SLC4A10: variants seen among roughly 807,000 people sequenced by gnomAD.
The protein encoded by SLC4A10 is solute carrier family 4 member 10.
Under a neutral mutation model 137.7 loss-of-function variants are expected in SLC4A10, and 42 were observed. That is an observed-to-expected ratio of 0.30 (90% CI 0.24 to 0.39). The LOEUF (loss-of-function observed/expected upper bound fraction) is 0.39. Ranked by LOEUF, SLC4A10 falls within the 10% of genes least tolerant of loss-of-function variation. SLC4A10 has a pLI of 1.00. For synonymous variants in SLC4A10, 474 were observed against 464.1 expected (o/e 1.02, Z -0.27); for missense variants, 925 against 1,355.0 (o/e 0.68, Z 4.98).
At chr2:161,741,521 G>A (rs1484414890) in intron 1 of SLC4A10, among the ~76,000 whole-genome samples, 2 of 152,010 alleles carry the variant, frequency 1.3e-5, no homozygotes, top group Non-Finnish European at 2.9e-5. Flanking sequence ...CCACCATTCT[G>A]TAATGCTGTT....
chr2:161,687,091 C>T (rs1163402523), intron 1 of SLC4A10, among the ~76,000 whole-genome samples: 1 of 152,098 alleles, frequency 6.6e-6, no homozygotes, highest in Non-Finnish European at 1.5e-5. Context: ...CCATGTTGGC[C>T]AGACTGGTCT....
intron 12 of SLC4A10, chr2:161,901,971 A>G: frequency 2.2e-6 from 1 of 454,454 alleles, no homozygotes; most frequent in Non-Finnish European, 4.4e-6. Flanking sequence ...AACATGCCAC[A>G]TAGCTTAGAT....
intron 9 of SLC4A10, among the ~76,000 whole-genome samples, chr2:161,880,653 A>C (rs182381545): frequency 6.6e-6 from 1 of 152,142 alleles, no homozygotes; most frequent in Non-Finnish European, 1.5e-5. Context: ...GATTCAGGCT[A>C]TATGTTTTCT....
At chr2:161,968,082 A>G (rs1437249864) in intron 23 of SLC4A10, among the ~76,000 whole-genome samples, 1 of 152,148 alleles carries the variant, frequency 6.6e-6, no homozygotes, top group Non-Finnish European at 1.5e-5. Context: ...AAGTTCACAA[A>G]ATGAAAAATG....
intron 5 of SLC4A10, among the ~76,000 whole-genome samples, chr2:161,858,270 A>G (rs1575316854): frequency 6.6e-6 from 1 of 152,228 alleles, no homozygotes; most frequent in East Asian, 1.9e-4. Context: ...GATGAATATG[A>G]CCCAGATATT....
At chr2:161,630,236 T>C (rs936422817) in intron 1 of SLC4A10, among the ~76,000 whole-genome samples, 9 of 151,836 alleles carry the variant, frequency 5.9e-5, no homozygotes, top group African/African-American at 2.2e-4. Flanking sequence ...GATTCAGTAA[T>C]ATTTTGTAGA....
At chr2:161,912,183 A>C (rs766112247) in intron 15 of SLC4A10, among the ~76,000 whole-genome samples, 1 of 152,098 alleles carries the variant, frequency 6.6e-6, no homozygotes, top group Admixed American at 6.6e-5. Context: ...TCTTTCAACT[A>C]TGTTACTCTT....
chr2:161,699,476 T>C (rs1363883139), intron 1 of SLC4A10, among the ~76,000 whole-genome samples: 2 of 152,088 alleles, frequency 1.3e-5, no homozygotes, highest in African/African-American at 4.8e-5. Flanking sequence ...GCCTGAAAAA[T>C]GTCTTCATTT....
intron 3 of SLC4A10, among the ~76,000 whole-genome samples, chr2:161,817,255 C>T (rs907601696): frequency 5.3e-5 from 8 of 152,068 alleles, no homozygotes; most frequent in Non-Finnish European, 7.4e-5. Flanking sequence ...TTTTCATGTG[C>T]CTGTTGGCTG....
At position 161,713,143 on chromosome 2, in the gene SLC4A10, G is replaced by A. The variant is rs146694662; in HGVS notation, c.49-57830G>A. On this transcript the variant is annotated intron_variant, in intron 1 of 26. Coordinates refer to ENST00000446997, the MANE Select transcript of SLC4A10 (RefSeq NM_001178015.2). ...AGCAAATAATAGAATAGTTCATTTT[G>A]GCTATAGCCTAGTGGGATAACTTAG... 7.2e-3 allele frequency among the ~76,000 whole-genome samples: 1,091 copies of A among 151,856 alleles called. 13 individuals carry two copies. The highest frequency in any genetic ancestry group is 7.5e-3 in the Non-Finnish European group (511 of 67,818).
chr2:161,639,935 CA>C (rs2035039369), intron 1 of SLC4A10, among the ~76,000 whole-genome samples: 1 of 152,118 alleles, frequency 6.6e-6, no homozygotes, highest in African/African-American at 2.4e-5. Context: ...TTGCAGAATA[CA>C]AAGTACAAAA....
chr2:161,723,753 C>T (rs1178032331), intron 1 of SLC4A10, among the ~76,000 whole-genome samples: 3 of 152,126 alleles, frequency 2.0e-5, no homozygotes, highest in African/African-American at 7.2e-5. Flanking sequence ...TAAATAAAAT[C>T]TATGGAGATA....
chr2:161,626,883 G>A (rs996315564), intron 1 of SLC4A10, among the ~76,000 whole-genome samples: 1 of 152,106 alleles, frequency 6.6e-6, no homozygotes, highest in African/African-American at 2.4e-5. Flanking sequence ...TTGGAAGAGA[G>A]CTCTGGGCTC....
rs1553595453 is a variant in SLC4A10 at position 161,856,358 on chromosome 2, A to AACACAAAC, written c.577+1233_577+1234insAACACACA. On this transcript the variant is annotated intron_variant, in intron 5 of 26. Transcript: ENST00000446997. ...TAAGCAAAAACTCCAAAAATACTAA[A>AACACAAAC]ACACACACACACACACACACACACA... Among the ~76,000 whole-genome samples, 4 of 141,930 alleles carry AACACAAAC rather than the reference A, an allele frequency of 2.8e-5. No homozygotes were observed. The East Asian group carries it at 8.2e-4, about 29-fold the overall frequency. The allele number at this position is 141,930 out of a possible 152,430, so 93.1% of individuals were successfully genotyped here. A position where few individuals can be genotyped will look rare whatever the true frequency, so the allele number is the denominator to read the frequency against.
chr2:161,738,071 T>C (rs1353336513), intron 1 of SLC4A10, among the ~76,000 whole-genome samples: 1 of 151,944 alleles, frequency 6.6e-6, no homozygotes, highest in African/African-American at 2.4e-5. Flanking sequence ...TCTGAACAAG[T>C]TTGGATTAAA....
chr2:161,807,287 C>T (rs2125615217), intron 3 of SLC4A10, among the ~76,000 whole-genome samples: 1 of 152,228 alleles, frequency 6.6e-6, no homozygotes, highest in Non-Finnish European at 1.5e-5. Flanking sequence ...AATGCTCTCT[C>T]ATTGAAAGCA....
intron 26 of SLC4A10, 29 bp downstream of exon 26, chr2:161,977,789 T>C: frequency 6.4e-7 from 1 of 1,559,190 alleles, no homozygotes; most frequent in Non-Finnish European, 8.6e-7. Context: ...AATCTATTCC[T>C]TGGTTGCATT....
At chr2:161,838,310 A>T (rs554274127) in intron 3 of SLC4A10, among the ~76,000 whole-genome samples, 73 of 152,230 alleles carry the variant, frequency 4.8e-4, no homozygotes, top group Non-Finnish European at 7.9e-4. Context: ...ATTAAACCTC[A>T]TATCTTATAC....
intron 10 of SLC4A10, among the ~76,000 whole-genome samples, chr2:161,882,740 T>G (rs1208699285): frequency 3.3e-5 from 5 of 152,134 alleles, no homozygotes; most frequent in Non-Finnish European, 5.9e-5. Flanking sequence ...GTAAGCACCA[T>G]TGTTAATATC....
Sources: allele counts gnomAD v4.1 joint callset (sites outside exome capture counted in the v4.1 genomes callset), GRCh38; gene constraint gnomAD v4.1.1; transcripts MANE v1.5; gene names NCBI Gene and HGNC (gene_info 2026-07-23, HGNC 2026-07-21).